The following KIRREL3 variants were observed in gnomAD, a reference collection of about 807,000 sequenced individuals.
KIRREL3 encodes the protein kin of IRRE-like protein 3.
Under a neutral mutation model 89.7 loss-of-function variants are expected in KIRREL3, and 36 were observed. That is an observed-to-expected ratio of 0.40 (90% CI 0.31 to 0.53). KIRREL3 has a LOEUF of 0.53. Ranked by LOEUF, KIRREL3 falls within the 20% of genes least tolerant of loss-of-function variation. The pLI is 0.49. For synonymous variants in KIRREL3, 445 were observed against 441.4 expected (o/e 1.01, Z -0.10); for missense variants, 864 against 1,056.6 (o/e 0.82, Z 2.53).
At chr11:126,861,624 T>C (rs1944707636) in intron 1 of KIRREL3, among the ~76,000 whole-genome samples, 1 of 152,224 alleles carries the variant, frequency 6.6e-6, no homozygotes, top group Non-Finnish European at 1.5e-5. Flanking sequence ...CCCTACTTAT[T>C]TCACAGGATA....
intron 1 of KIRREL3, among the ~76,000 whole-genome samples, chr11:126,929,462 G>T (rs1784310): frequency 6.6e-6 from 1 of 151,960 alleles, no homozygotes; most frequent in Non-Finnish European, 1.5e-5. Context: ...AAATGCTGCC[G>T]TCTGGAATGC....
At chr11:126,452,406 G>A (rs1006052768) in intron 7 of KIRREL3, among the ~76,000 whole-genome samples, 1 of 152,274 alleles carries the variant, frequency 6.6e-6, no homozygotes, top group Non-Finnish European at 1.5e-5. Flanking sequence ...ACCCTGCTGA[G>A]GCGAGGGGGC....
Position 126,666,287 on chromosome 11 carries a change from A to G in KIRREL3, c.56-103375T>C, listed in dbSNP as rs908831378. ...TCTATAATGGACAGCCTTGGGTTTTACCTCCTGTCCAGGCACCCGTTCCTC... is the reference window on the plus strand; with the variant it reads ...TCTATAATGGACAGCCTTGGGTTTTGCCTCCTGTCCAGGCACCCGTTCCTC... On this transcript the variant is annotated intron_variant, in intron 1 of 16. Coordinates refer to ENST00000525144, the MANE Select transcript of KIRREL3 (RefSeq NM_032531.4). This position sits in a 1 kb window ranked among gnomAD's most constrained non-coding sequence, Gnocchi z 4.2. Among the ~76,000 whole-genome samples the G allele has an allele frequency of 6.6e-6, 1 of 152,062 alleles. No individual in the cohort carries two copies. Among genetic ancestry groups the G allele is most frequent in the Non-Finnish European group, 1.5e-5 (1 of 68,008 alleles).
chr11:126,911,838 C>T (rs1038658371), intron 1 of KIRREL3, among the ~76,000 whole-genome samples: 1 of 152,040 alleles, frequency 6.6e-6, no homozygotes, highest in African/African-American at 2.4e-5. Flanking sequence ...AAAAAATTAG[C>T]CGGGCGCGGT....
intron 1 of KIRREL3, among the ~76,000 whole-genome samples, chr11:126,679,407 T>C (rs1471784738): frequency 1.3e-5 from 2 of 152,224 alleles, no homozygotes; most frequent in Admixed American, 6.5e-5. Flanking sequence ...ATGCGTGTCC[T>C]TTGCTAAGTG....
In KIRREL3 at chr11:126,766,828, A is replaced by T. The variant is rs1949838971; in HGVS notation, c.56-203916T>A. On this transcript the variant is annotated intron_variant, in intron 1 of 16. Transcript: ENST00000525144. This position sits in a 1 kb window ranked among gnomAD's most constrained non-coding sequence, Gnocchi z 4.2. Reference sequence around the variant, plus strand: ...TTAAAGTGATTTGCTTACAGTAATTAGTTCCTAGGGCTCCCTTGTGGAGGT... The same window carrying T: ...TTAAAGTGATTTGCTTACAGTAATTTGTTCCTAGGGCTCCCTTGTGGAGGT... Among the ~76,000 whole-genome samples the T allele has an allele frequency of 6.6e-6, 1 of 152,230 alleles. No individual in the cohort carries two copies. The highest frequency in any genetic ancestry group is 1.5e-5 in the Non-Finnish European group (1 of 68,044).
Position 126,647,767 on chromosome 11 carries a change from G to T in KIRREL3, c.56-84855C>A, listed in dbSNP as rs1280272014. ...GTCTAGTTTCAACAGGGCAGTCTGA[G>T]TAGTGCTTTTAAAAACCTAAGTCAG... On this transcript the variant is annotated intron_variant, in intron 1 of 16. Coordinates refer to ENST00000525144, the MANE Select transcript of KIRREL3 (RefSeq NM_032531.4). The surrounding 1 kb of genome is among the most constrained non-coding windows in gnomAD (Gnocchi z 4.9). Among the ~76,000 whole-genome samples, 2 of 152,188 alleles carry T rather than the reference G, an allele frequency of 1.3e-5. No individual in the cohort carries two copies. Among genetic ancestry groups the T allele is most frequent in the African/African-American group, 4.8e-5 (2 of 41,448 alleles).
chr11:126,824,170 C>G (rs1943326837), intron 1 of KIRREL3, among the ~76,000 whole-genome samples: 1 of 152,168 alleles, frequency 6.6e-6, no homozygotes. Flanking sequence ...CAGGTTTCCT[C>G]TTGGCACCTA....
chr11:126,435,770 G>C (rs2134162268), intron 12 of KIRREL3, among the ~76,000 whole-genome samples: 1 of 152,276 alleles, frequency 6.6e-6, no homozygotes, highest in South Asian at 2.1e-4. Flanking sequence ...TGAGGCCTGG[G>C]GGCCCAGCTG....
At position 126,924,053 on chromosome 11, in the gene KIRREL3, A is replaced by G. The variant is rs1469124250; in HGVS notation, c.55+76402T>C. On this transcript the variant is annotated intron_variant, in intron 1 of 16. Transcript: ENST00000525144. The surrounding 1 kb of genome is among the most constrained non-coding windows in gnomAD (Gnocchi z 4.7). ...CCTATGACCAGTCACTAACTTTTAA[A>G]AATCTTACTTCTAAATATTGTTCAT... Among the ~76,000 whole-genome samples the G allele has an allele frequency of 6.6e-6, 1 of 152,158 alleles. No homozygotes were observed. Among genetic ancestry groups the G allele is most frequent in the African/African-American group, 2.4e-5 (1 of 41,444 alleles).
rs1945152364 is a variant in KIRREL3, at chr11:126,656,639, G to A, written c.56-93727C>T. Among the ~76,000 whole-genome samples the A allele has an allele frequency of 6.6e-6, 1 of 152,198 alleles. No homozygotes were observed. The highest frequency in any genetic ancestry group is 1.5e-5 in the Non-Finnish European group (1 of 68,038). ...CTTCATGCTTTTACCACCTTATACT[G>A]AGTAAGAAGATGAATTTGCACAGAT... On this transcript the variant is annotated intron_variant, in intron 1 of 16. Coordinates refer to ENST00000525144, the MANE Select transcript of KIRREL3 (RefSeq NM_032531.4). The surrounding 1 kb of genome is among the most constrained non-coding windows in gnomAD (Gnocchi z 4.0).
Position 126,524,517 on chromosome 11 carries a change from C to A in KIRREL3, c.283+2021G>T, listed in dbSNP as rs184690012. Among the ~76,000 whole-genome samples the A allele has an allele frequency of 9.2e-5, 14 of 152,288 alleles. No individual in the cohort carries two copies. The East Asian group carries it at 2.7e-3, about 29-fold the overall frequency. On this transcript the variant is annotated intron_variant, in intron 3 of 16. Coordinates refer to ENST00000525144, the MANE Select transcript of KIRREL3 (RefSeq NM_032531.4). ...AAATCCTTCTTTTCTCCCTCCGGAT[C>A]GCTGTAGATTTATGAGATAATGTCT... is the stretch of plus-strand genomic sequence containing the variant.
intron 9 of KIRREL3, 105 bp downstream of exon 9, chr11:126,446,654 A>C (rs1259010674): frequency 1.6e-6 from 2 of 1,248,282 alleles, no homozygotes; most frequent in Non-Finnish European, 2.2e-6. Flanking sequence ...CTGGAGGCTG[A>C]CTCCCCCAGT....
Position 126,697,808 on chromosome 11 carries a change from A to C in KIRREL3, c.56-134896T>G, listed in dbSNP as rs904945553. On this transcript the variant is annotated intron_variant, in intron 1 of 16. Transcript: ENST00000525144. The surrounding 1 kb of genome is among the most constrained non-coding windows in gnomAD (Gnocchi z 4.2). ...ATTGGATATTAATCAAGTCCTACTC[A>C]GACCACAAACAAGCAGCCCTGCTCT... Among the ~76,000 whole-genome samples, 2 of 152,216 alleles carry C rather than the reference A, an allele frequency of 1.3e-5. No individual in the cohort carries two copies. Among genetic ancestry groups the C allele is most frequent in the Non-Finnish European group, 2.9e-5 (2 of 68,048 alleles).
At position 126,955,274 on chromosome 11, in the gene KIRREL3, C is replaced by T. The variant is rs1415950188; in HGVS notation, c.55+45181G>A. On this transcript the variant is annotated intron_variant, in intron 1 of 16. Coordinates refer to ENST00000525144, the MANE Select transcript of KIRREL3 (RefSeq NM_032531.4). The surrounding 1 kb of genome is among the most constrained non-coding windows in gnomAD (Gnocchi z 4.6). Reference sequence around the variant, plus strand: ...AGTATTTCTCTAGCAAACAGCAATGCTTTGAAAGCAATTGACAGAAAGCTG... The same window carrying T: ...AGTATTTCTCTAGCAAACAGCAATGTTTTGAAAGCAATTGACAGAAAGCTG... Among the ~76,000 whole-genome samples, 5 of 152,230 alleles carry T rather than the reference C, an allele frequency of 3.3e-5. No individual in the cohort carries two copies. Among genetic ancestry groups the T allele is most frequent in the Non-Finnish European group, 7.3e-5 (5 of 68,048 alleles).
rs1949670310 is a variant in KIRREL3, at chr11:126,761,708, AGTAG to A, written c.56-198800_56-198797del. Among the ~76,000 whole-genome samples the A allele has an allele frequency of 1.3e-5, 2 of 151,876 alleles. No homozygotes were observed. The highest frequency in any genetic ancestry group is 4.2e-4 in the South Asian group (2 of 4,814). On this transcript the variant is annotated intron_variant, in intron 1 of 16. Coordinates refer to ENST00000525144, the MANE Select transcript of KIRREL3 (RefSeq NM_032531.4). The surrounding 1 kb of genome is among the most constrained non-coding windows in gnomAD (Gnocchi z 4.4). ...TTGTGTATATCACCAGATCTTATGA[AGTAG>A]ACCAGTGGGCCCCACTCAGCCCCTG...
rs1949071065 is a variant in KIRREL3, at chr11:126,744,250, T to TC, written c.56-181339_56-181338insG. Among the ~76,000 whole-genome samples the TC allele has an allele frequency of 6.6e-6, 1 of 151,454 alleles. No homozygotes were observed. Among genetic ancestry groups the TC allele is most frequent in the Admixed American group, 6.6e-5 (1 of 15,202 alleles). On this transcript the variant is annotated intron_variant, in intron 1 of 16. Coordinates refer to ENST00000525144, the MANE Select transcript of KIRREL3 (RefSeq NM_032531.4). The surrounding 1 kb of genome is among the most constrained non-coding windows in gnomAD (Gnocchi z 4.7). ...TCTGAAACACACAACTTTTTTTTTTTTTATGGGTGGAAAGCCTTTGATAAG... is the reference window on the plus strand; with the variant it reads ...TCTGAAACACACAACTTTTTTTTTTTCTTATGGGTGGAAAGCCTTTGATAAG...
intron 4 of KIRREL3, among the ~76,000 whole-genome samples, chr11:126,488,340 C>CA (rs1344936159): frequency 6.6e-6 from 1 of 152,236 alleles, no homozygotes; most frequent in Non-Finnish European, 1.5e-5. Context: ...AATGATCCCA[C>CA]AGGGTGACCC....
At chr11:126,741,385 C>T (rs1948977711) in intron 1 of KIRREL3, among the ~76,000 whole-genome samples, 1 of 152,154 alleles carries the variant, frequency 6.6e-6, no homozygotes, top group Non-Finnish European at 1.5e-5. Context: ...TCTGTTGGCT[C>T]CCGTGGGGCC....
Sources: gnomAD v4.1 joint callset for allele counts (sites outside exome capture counted in the v4.1 genomes callset) on GRCh38, gnomAD v4.1.1 for gene constraint, Gnocchi (gnomAD v3.1) non-coding constraint, MANE v1.5 for transcripts, NCBI Gene and HGNC (gene_info 2026-07-23, HGNC 2026-07-21) for gene names.